The following HDAC9 variants were observed in gnomAD, a reference collection of about 807,000 sequenced individuals.
The protein encoded by HDAC9 is MEF-2 interacting transcription repressor (MITR) protein.
HDAC9 carries 41 observed loss-of-function variants against 139.4 expected under a neutral mutation model. The ratio of observed to expected loss-of-function variants is 0.29; its 90% CI spans 0.23 to 0.38. The LOEUF is 0.38. Among genes scored for constraint, HDAC9 ranks in the 10% least tolerant of loss-of-function variants. HDAC9 has a pLI of 1.00. For missense variants in HDAC9, 1,147 were observed against 1,297.0 expected, an observed-to-expected ratio of 0.88 and a Z score of 1.78; for synonymous variants, 517 against 476.2, an observed-to-expected ratio of 1.09 and a Z score of -1.12.
intron 12 of HDAC9, among the ~76,000 whole-genome samples, chr7:18,705,168 A>G (rs999666316): frequency 6.6e-6 from 1 of 152,172 alleles, no homozygotes. Flanking sequence ...GCATCTATCA[A>G]CAGGTTAGAG....
Position 18,975,838 on chromosome 7 carries a change from G to A in HDAC9, c.3055G>A (p.Val1019Met), listed in dbSNP as rs755536921. 2 of 1,613,878 alleles carry A rather than the reference G, an allele frequency of 1.2e-6. No individual in the cohort carries two copies. The highest frequency in any genetic ancestry group is 1.7e-6 in the Non-Finnish European group (2 of 1,179,816). Residue 1019 changes from valine (V) to methionine (M), a missense_variant, in exon 25 of 26, where the codon GTG becomes ATG. Val to Met is a conservative substitution (Grantham distance 21, BLOSUM62 1). This residue lies in a region of HDAC9 where 407 missense variants were observed against 521.5 expected (regional missense o/e 0.78). Coordinates refer to ENST00000686413, the MANE Select transcript of HDAC9 (RefSeq NM_178425.4). The part of the protein sequence containing the change: ...KYWKSVRMVA[V>M]PRGCALAGAQ... ...TTGGAAGTCAGTAAGGATGGTGGCT[G>A]TGCCAAGGGGCTGTGCTCTGGCTGG...
At chr7:18,463,596 A>AT (rs1416876907) in intron 1 of HDAC9, among the ~76,000 whole-genome samples, 1 of 151,510 alleles carries the variant, frequency 6.6e-6, no homozygotes, top group Admixed American at 6.6e-5. Context: ...TGTTCTGCAT[A>AT]TTTTTTCTAT....
upstream of HDAC9, among the ~76,000 whole-genome samples, chr7:18,492,868 T>C (rs1796471648): frequency 6.6e-6 from 1 of 151,992 alleles, no homozygotes; most frequent in East Asian, 1.9e-4. Flanking sequence ...TACTTATTTT[T>C]CTTCTGAGAA....
At chr7:18,578,090 C>T in intron 2 of HDAC9, 1 of 517,022 alleles carries the variant, frequency 1.9e-6, no homozygotes, top group South Asian at 1.4e-5. Flanking sequence ...ATCCCTTTCC[C>T]AGAGTGCTCT....
At chr7:18,574,172 C>T (rs1163088681) in intron 2 of HDAC9, among the ~76,000 whole-genome samples, 4 of 152,212 alleles carry the variant, frequency 2.6e-5, no homozygotes, top group African/African-American at 7.2e-5. Context: ...GGAGAGGAGA[C>T]CCACAGTGGT....
At chr7:18,932,868 G>GAAAGAAAGAAAGAAAGAAAGA (rs1295709562) in intron 22 of HDAC9, among the ~76,000 whole-genome samples, 2 of 151,668 alleles carry the variant, frequency 1.3e-5, no homozygotes, top group Non-Finnish European at 2.9e-5. Context: ...AAGAAAGAAA[G>GAAAGAAAGAAAGAAAGAAAGA]AAAGAAAGAA....
At chr7:18,880,677 G>T (rs1313261667) in intron 22 of HDAC9, among the ~76,000 whole-genome samples, 1 of 151,854 alleles carries the variant, frequency 6.6e-6, no homozygotes, top group Non-Finnish European at 1.5e-5. Flanking sequence ...GGAGGAAGAA[G>T]AACTTAAAAG....
chr7:18,490,902 A>G (rs1796315712), upstream of HDAC9, among the ~76,000 whole-genome samples: 2 of 152,040 alleles, frequency 1.3e-5, no homozygotes, highest in Admixed American at 1.3e-4. Flanking sequence ...AATTTGCAGC[A>G]TACTACAATT....
chr7:18,395,923 G>T lies in HDAC9; in HGVS notation c.-41-100339G>T, dbSNP rs185039621. 1.1e-3 allele frequency among the ~76,000 whole-genome samples: 169 copies of T among 152,086 alleles called. 1 individual carries two copies. The highest frequency in any genetic ancestry group is 3.9e-3 in the African/African-American group (161 of 41,492). ...CCTTCTTTTGAAAGCCTATATATTGGCCTAGTAGTTGATTCTGTTTTAAAT... is the reference window on the plus strand; with the variant it reads ...CCTTCTTTTGAAAGCCTATATATTGTCCTAGTAGTTGATTCTGTTTTAAAT... On this transcript the variant is annotated intron_variant, in intron 1 of 3. Transcript: ENST00000413509.
intron 1 of HDAC9, among the ~76,000 whole-genome samples, chr7:18,411,632 C>T (rs1368530302): frequency 1.3e-5 from 2 of 152,062 alleles, no homozygotes; most frequent in Non-Finnish European, 2.9e-5. Flanking sequence ...GCCTTGGCCT[C>T]CCAAAGTGCT....
chr7:18,106,306 C>T (rs1014828274), intron 1 of HDAC9, among the ~76,000 whole-genome samples: 1 of 152,092 alleles, frequency 6.6e-6, no homozygotes, highest in Non-Finnish European at 1.5e-5. Flanking sequence ...ATGATCTGAC[C>T]TTTGCTGGTT....
At chr7:18,747,800 A>G (rs1788112297) in intron 13 of HDAC9, among the ~76,000 whole-genome samples, 1 of 152,204 alleles carries the variant, frequency 6.6e-6, no homozygotes, top group African/African-American at 2.4e-5. Flanking sequence ...TTCAAAATGC[A>G]GGTGCCATTC....
intron 2 of HDAC9, among the ~76,000 whole-genome samples, chr7:18,214,519 A>C (rs904865408): frequency 6.6e-6 from 1 of 152,152 alleles, no homozygotes; most frequent in Non-Finnish European, 1.5e-5. Flanking sequence ...TTTAAAAATA[A>C]TTCATACTGC....
chr7:18,341,993 T>A (rs1156889507), intron 1 of HDAC9, among the ~76,000 whole-genome samples: 1 of 151,894 alleles, frequency 6.6e-6, no homozygotes, highest in Non-Finnish European at 1.5e-5. Flanking sequence ...TTTACTGTAC[T>A]CAGTGTCCCG....
At chr7:18,680,881 A>G (rs1404391191) in intron 12 of HDAC9, among the ~76,000 whole-genome samples, 3 of 152,028 alleles carry the variant, frequency 2.0e-5, no homozygotes, top group Non-Finnish European at 4.4e-5. Flanking sequence ...CTGTTTGTTT[A>G]ACCAAATCTT....
chr7:18,920,239 G>C (rs1198129528), intron 22 of HDAC9, among the ~76,000 whole-genome samples: 1 of 152,000 alleles, frequency 6.6e-6, no homozygotes, highest in South Asian at 2.1e-4. Context: ...ATTCCTAGGT[G>C]TTTTATTCTC....
At chr7:18,796,236 G>A (rs1792790910) in intron 17 of HDAC9, among the ~76,000 whole-genome samples, 3 of 152,292 alleles carry the variant, frequency 2.0e-5, no homozygotes, top group South Asian at 4.1e-4. Context: ...CACAGAGGAT[G>A]AGGACCTAAA....
At chr7:18,772,976 ACTCC>A (rs1203826924) in intron 16 of HDAC9, among the ~76,000 whole-genome samples, 1 of 152,030 alleles carries the variant, frequency 6.6e-6, no homozygotes, top group Non-Finnish European at 1.5e-5. Flanking sequence ...TGTAGACAAC[ACTCC>A]CTACAGAGAT....
At chr7:18,453,906 G>A (rs75674297) in intron 1 of HDAC9, among the ~76,000 whole-genome samples, 1 of 152,088 alleles carries the variant, frequency 6.6e-6, no homozygotes, top group Non-Finnish European at 1.5e-5. Flanking sequence ...AAGGGACTCA[G>A]GAGCCTTGAA....
Sources: gnomAD v4.1 joint callset for allele counts (sites outside exome capture counted in the v4.1 genomes callset) on GRCh38, gnomAD v4.1.1 for gene constraint, gnomAD v4.1.1 regional missense constraint, MANE v1.5 for transcripts, NCBI Gene and HGNC (gene_info 2026-07-23, HGNC 2026-07-21) for gene names.